The following CSMD1 variants were observed in gnomAD, a reference collection of about 807,000 sequenced individuals.
CSMD1 encodes the protein CUB and sushi domain-containing protein 1.
A neutral mutation model predicts 417.5 loss-of-function variants in CSMD1; 213 were observed. The ratio of observed to expected loss-of-function variants is 0.51; its 90% CI spans 0.46 to 0.57. The LOEUF (loss-of-function observed/expected upper bound fraction) is 0.57, where lower values mean the gene tolerates loss of function less well. CSMD1 is among the 20% of genes least tolerant of loss of function. The pLI is 0.00. For missense variants in CSMD1, 6,923 were observed against 4,529.7 expected (o/e 1.53, Z -15.17); for synonymous variants, 2,862 against 1,736.8 (o/e 1.65, Z -16.11).
intron 7 of CSMD1, among the ~76,000 whole-genome samples, chr8:3,648,821 A>G (rs1797705356): frequency 6.6e-6 from 1 of 152,084 alleles, no homozygotes; most frequent in African/African-American, 2.4e-5. Context: ...AGAACATGAC[A>G]TTTCTCTTTA....
At chr8:4,104,618 C>T (rs943700853) in intron 3 of CSMD1, among the ~76,000 whole-genome samples, 1 of 152,168 alleles carries the variant, frequency 6.6e-6, no homozygotes, top group South Asian at 2.1e-4. Context: ...ATTAGAGTGT[C>T]TGGAATGAGG....
rs76177953 is a variant in CSMD1, at chr8:4,221,896, C to G, written c.416-189797G>C. On this transcript the variant is annotated intron_variant, in intron 3 of 69. Transcript: ENST00000635120. ...AGAATTCTTAGCAGAGGAAATTCAC[C>G]AGACCAGAGAAAATGCCTAGAGAAG... Among the ~76,000 whole-genome samples the G allele has an allele frequency of 1.7e-3, 263 of 152,228 alleles. 1 individual carries two copies. The highest frequency in any genetic ancestry group is 6.1e-3 in the African/African-American group (254 of 41,534).
At chr8:3,800,650 A>G (rs1307787166) in intron 5 of CSMD1, among the ~76,000 whole-genome samples, 2 of 152,110 alleles carry the variant, frequency 1.3e-5, no homozygotes, top group Non-Finnish European at 1.5e-5. Context: ...TGCAGACAGA[A>G]CCCTCATGAA....
intron 22 of CSMD1, 126 bp from the exon 23 acceptor site, chr8:3,343,576 A>G: frequency 1.3e-6 from 1 of 784,786 alleles, no homozygotes; most frequent in Non-Finnish European, 1.9e-6. Flanking sequence ...CATATAGTTT[A>G]CAGAAAGATA....
intron 10 of CSMD1, among the ~76,000 whole-genome samples, chr8:3,552,470 G>C (rs1798958657): frequency 6.6e-6 from 1 of 152,116 alleles, no homozygotes; most frequent in African/African-American, 2.4e-5. Flanking sequence ...AGCTTCCTCT[G>C]ACCTGTGATA....
chr8:3,517,007 G>A (rs1797308572), intron 10 of CSMD1, among the ~76,000 whole-genome samples: 1 of 152,200 alleles, frequency 6.6e-6, no homozygotes, highest in Non-Finnish European at 1.5e-5. Context: ...GCACTGGTTA[G>A]GTGTCATGGT....
intron 2 of CSMD1, among the ~76,000 whole-genome samples, chr8:4,457,332 G>T (rs921766494): frequency 6.6e-6 from 1 of 152,132 alleles, no homozygotes; most frequent in African/African-American, 2.4e-5. Context: ...AGAGTGCTTG[G>T]GACACCGGAG....
At chr8:4,334,378 G>A (rs1563066560) in intron 3 of CSMD1, among the ~76,000 whole-genome samples, 1 of 152,248 alleles carries the variant, frequency 6.6e-6, no homozygotes, top group Admixed American at 6.5e-5. Flanking sequence ...TAGGTGGTGG[G>A]CTTCATTCAA....
At chr8:4,600,846 T>G (rs1017015749) in intron 2 of CSMD1, among the ~76,000 whole-genome samples, 2 of 152,220 alleles carry the variant, frequency 1.3e-5, no homozygotes, top group African/African-American at 4.8e-5. Flanking sequence ...GAAGATATTC[T>G]GACTTTAAAA....
At chr8:3,859,930 T>G (rs987708493) in intron 5 of CSMD1, among the ~76,000 whole-genome samples, 5 of 152,152 alleles carry the variant, frequency 3.3e-5, no homozygotes, top group African/African-American at 9.7e-5. Context: ...ACCATGAGTG[T>G]AATAGCTTTT....
chr8:4,793,278 G>C (rs955912956), intron 1 of CSMD1, among the ~76,000 whole-genome samples: 2 of 151,976 alleles, frequency 1.3e-5, no homozygotes, highest in African/African-American at 4.8e-5. Flanking sequence ...TTTGTTTTAG[G>C]CTGGAAAAAT....
chr8:3,732,418 T>A (rs1207476661), intron 6 of CSMD1, among the ~76,000 whole-genome samples: 5 of 152,148 alleles, frequency 3.3e-5, no homozygotes, highest in African/African-American at 1.2e-4. Context: ...AAATTAATAA[T>A]GAACCAAGTC....
intron 21 of CSMD1, among the ~76,000 whole-genome samples, chr8:3,349,700 AT>A (rs1182398313): frequency 1.3e-5 from 2 of 148,742 alleles, no homozygotes; most frequent in African/African-American, 4.9e-5. Flanking sequence ...ATTTATATGT[AT>A]ATATACTCAC....
At chr8:3,534,706 T>C (rs542945097) in intron 10 of CSMD1, among the ~76,000 whole-genome samples, 1 of 152,176 alleles carries the variant, frequency 6.6e-6, no homozygotes, top group African/African-American at 2.4e-5. Flanking sequence ...ATTCTTCTAG[T>C]CCCAGAGCCT....
At chr8:3,298,749 C>T (rs78696532) in intron 25 of CSMD1, among the ~76,000 whole-genome samples, 3,006 of 152,122 alleles carry the variant, frequency 0.02, 41 homozygotes, top group East Asian at 0.032. Flanking sequence ...CCATCGTGCC[C>T]GACAATTATC....
At chr8:3,709,709 T>TTTTTTTTTTTA (rs1554518391) in intron 6 of CSMD1, among the ~76,000 whole-genome samples, 1 of 129,510 alleles carries the variant, frequency 7.7e-6, no homozygotes, top group Non-Finnish European at 1.6e-5. Flanking sequence ...TTTTTTTTTT[T>TTTTTTTTTTTA]CCCTGCTTTC....
chr8:4,468,476 T>G (rs781238287), intron 2 of CSMD1, among the ~76,000 whole-genome samples: 2 of 152,232 alleles, frequency 1.3e-5, no homozygotes, highest in Non-Finnish European at 2.9e-5. Flanking sequence ...GCTCTTGATA[T>G]ACCAACTCAT....
intron 3 of CSMD1, among the ~76,000 whole-genome samples, chr8:4,250,126 T>C (rs1585096664): frequency 1.3e-5 from 2 of 152,290 alleles, no homozygotes; most frequent in South Asian, 2.1e-4. Flanking sequence ...CCTGATCAAC[T>C]ACCAGTGACT....
chr8:3,288,046 A>C (rs186438266), intron 25 of CSMD1, among the ~76,000 whole-genome samples: 1 of 147,476 alleles, frequency 6.8e-6, no homozygotes, highest in Non-Finnish European at 1.5e-5. Flanking sequence ...CCTTTTCTGC[A>C]TCTATTGAGA....
Sources: allele counts gnomAD v4.1 joint callset (sites outside exome capture counted in the v4.1 genomes callset), GRCh38; gene constraint gnomAD v4.1.1; transcripts MANE v1.5; gene names NCBI Gene and HGNC (gene_info 2026-07-23, HGNC 2026-07-21).